Variants in QRICH2 observed in about 807,000 individuals in gnomAD.
The protein encoded by QRICH2 is glutamine-rich protein 2.
Under a neutral mutation model 168.3 loss-of-function variants are expected in QRICH2, and 119 were observed. The observed-to-expected ratio is 0.71, with a 90% CI of 0.61 to 0.82. The LOEUF (loss-of-function observed/expected upper bound fraction) is 0.82, where lower values mean the gene tolerates loss of function less well. Among genes scored for constraint, QRICH2 ranks in the 40% least tolerant of loss-of-function variants. The probability of loss-of-function intolerance (pLI) is 0.00; values close to 1 mark genes in which losing one functional copy is unlikely to be tolerated. For synonymous variants in QRICH2, 894 were observed against 951.2 expected, an observed-to-expected ratio of 0.94 and a Z score of 1.11; for missense variants, 2,241 against 2,491.6, an observed-to-expected ratio of 0.90 and a Z score of 2.14.
In QRICH2 at chr17:76,285,125, C is replaced by CTGTTGTTGTTGT. The variant is rs112068809; in HGVS notation, c.4011+2055_4011+2066dup. 1.3e-3 allele frequency among the ~76,000 whole-genome samples: 189 copies of CTGTTGTTGTTGT among 147,856 alleles called. 1 individual carries two copies. Among genetic ancestry groups the CTGTTGTTGTTGT allele is most frequent in the African/African-American group, 4.4e-3 (176 of 39,636 alleles). On this transcript the variant is annotated intron_variant, in intron 7 of 18. Coordinates refer to ENST00000680821, the MANE Select transcript of QRICH2 (RefSeq NM_001388453.1). The stretch of plus-strand genomic sequence containing the variant: ...GTGCACCACCACACCCAGCTATTTT[C>CTGTTGTTGTTGT]TGTTGTTGTTGTTGTTGTTGTTTTT...
rs1307346902 is a variant in QRICH2, at chr17:76,307,527, A to C, written c.472T>G (p.Phe158Val). The change falls in exon 1 of 19, where the codon TTC (phenylalanine) becomes GTC (valine). Residue 158 changes from phenylalanine to valine, a missense_variant. By Grantham distance (50) the Phe-to-Val change is conservative (BLOSUM62 -1). Coordinates refer to ENST00000680821, the MANE Select transcript of QRICH2 (RefSeq NM_001388453.1). The surrounding 1 kb of genome is among the most constrained non-coding windows in gnomAD (Gnocchi z 5.3). ...PEEQEVGVRAFDRVRTGSIMK... is the reference protein window; with the variant it reads ...PEEQEVGVRAVDRVRTGSIMK... ...ATACTCCCAGTCCGCACCCTATCGA[A>C]CGCCCGCACGCCCACCTCCTGCTCC... 1 of 1,604,724 alleles carries C rather than the reference A, an allele frequency of 6.2e-7. No homozygotes were observed. Among genetic ancestry groups the C allele is most frequent in the Non-Finnish European group, 8.5e-7 (1 of 1,176,050 alleles).
At chr17:76,303,579 C>T (rs1330804721) in intron 3 of QRICH2, among the ~76,000 whole-genome samples, 1 of 152,008 alleles carries the variant, frequency 6.6e-6, no homozygotes, top group African/African-American at 2.4e-5. Context: ...GTGCAAAAGT[C>T]GCCACCAGCG....
rs1461624728 is a variant in QRICH2, at chr17:76,281,912, G to A, written c.4215C>T (p.Asn1405=). Residue 1405 remains asparagine, a synonymous_variant, in exon 8 of 19, where the codon AAC becomes AAT. Transcript: ENST00000680821. This position sits in a 1 kb window ranked among gnomAD's most constrained non-coding sequence, Gnocchi z 4.4. ...TGGAGGGTCGGGAGACGGCCAGGCT[G>A]TTGACCATGTCTTGGAGTTGCTCAT... ...RRYEQLQDMV[N]SLAVSRPSKK... 2 of 1,613,806 alleles carry A rather than the reference G, an allele frequency of 1.2e-6. No individual in the cohort carries two copies. Among genetic ancestry groups the A allele is most frequent in the Non-Finnish European group, 1.7e-6 (2 of 1,180,018 alleles).
upstream of QRICH2, chr17:76,308,294 G>A (rs1050884428): frequency 2.0e-6 from 2 of 985,294 alleles, no homozygotes; most frequent in African/African-American, 1.7e-5. Flanking sequence ...GGGGGCCCCC[G>A]CGTGCCCTGA....
At chr17:76,305,032 C>A in intron 1 of QRICH2, 91 bp from the exon 2 acceptor site, 1 of 845,402 alleles carries the variant, frequency 1.2e-6, no homozygotes, top group South Asian at 1.3e-5. Context: ...CACACACTCT[C>A]ACACTCAGAC....
chr17:76,304,354 C>A (rs2070954727), intron 3 of QRICH2, 61 bp downstream of exon 3: 2 of 1,050,706 alleles, frequency 1.9e-6, no homozygotes, highest in Non-Finnish European at 1.5e-6. Context: ...TGCAGCTGTA[C>A]AAAGCGAGAA....
chr17:76,287,864 C>T lies in QRICH2; in HGVS notation c.3832G>A (p.Gly1278Arg), dbSNP rs745921012. The change falls in exon 6 of 19, where the codon GGG becomes AGG. Residue 1278 changes from glycine (G) to arginine (R), a missense_variant. Gly to Arg is a moderately radical substitution (Grantham distance 125). Coordinates refer to ENST00000680821, the MANE Select transcript of QRICH2 (RefSeq NM_001388453.1). Reference protein sequence around the residue: ...ERLQRILEGEGNQEAGKELKA... With the variant: ...ERLQRILEGERNQEAGKELKA... Reference sequence around the variant, plus strand: ...AGTTCCTTCCCTGCTTCTTGATTCCCTTCCCCTTCCAGGATCCTCTGCAGC... The same window carrying T: ...AGTTCCTTCCCTGCTTCTTGATTCCTTTCCCCTTCCAGGATCCTCTGCAGC... 5 of 1,614,010 alleles carry T rather than the reference C, an allele frequency of 3.1e-6. No homozygotes were observed. The African/African-American group carries it at 5.3e-5, about 17-fold the overall frequency.
chr17:76,290,392 T>A (rs543751466), intron 4 of QRICH2, among the ~76,000 whole-genome samples: 2 of 152,182 alleles, frequency 1.3e-5, no homozygotes, highest in African/African-American at 4.8e-5. Context: ...TTAAGTTTTG[T>A]TTTGTTTGAG....
chr17:76,274,873 C>T (rs2070645543), intron 18 of QRICH2, among the ~76,000 whole-genome samples: 1 of 152,182 alleles, frequency 6.6e-6, no homozygotes, highest in South Asian at 2.1e-4. Context: ...GTGCTAACGG[C>T]CCCTACCTCT....
chr17:76,294,006 TAA>T lies in QRICH2; in HGVS notation c.719_720del (p.Leu240HisfsTer5). The T allele has an allele frequency of 6.2e-7, 1 of 1,604,702 alleles. No homozygotes were observed. The highest frequency in any genetic ancestry group is 8.5e-7 in the Non-Finnish European group (1 of 1,173,716). On this transcript the variant is annotated frameshift_variant, in exon 4 of 19. Transcript: ENST00000680821. LOFTEE classifies it high-confidence loss of function. Reference sequence around the variant, plus strand: ...AACCCTCCGTGCTTAGAAAATCCCATAAGTGTTTCTGAGCCCTGGTTGGAGAG... The same window carrying T: ...AACCCTCCGTGCTTAGAAAATCCCATGTGTTTCTGAGCCCTGGTTGGAGAG... ...WRASQAGSETLMGFSKHGGFT... is the reference protein window; with the variant it reads ...WRASQAGSETXMGFSKHGGFT...
upstream of QRICH2, chr17:76,308,327 T>C (rs2143427063): frequency 6.1e-6 from 6 of 985,340 alleles, no homozygotes; most frequent in South Asian, 1.4e-4. Context: ...ACAACACGCC[T>C]CCCTGCGAGC....
chr17:76,279,380 C>T lies in QRICH2; in HGVS notation c.4797G>A (p.Glu1599=), dbSNP rs757693240. Residue 1599 remains glutamate, a synonymous_variant, in exon 13 of 19, where the codon GAG becomes GAA. Transcript: ENST00000680821. ...GCACTCACTGTCCAGTCACAGGTGTCTCCAAGGGCCGGTCACATGAGAGGC... is the reference window on the plus strand; with the variant it reads ...GCACTCACTGTCCAGTCACAGGTGTTTCCAAGGGCCGGTCACATGAGAGGC... ...FHCLSCDRPL[E]TPVTGHAIPV... is the part of the protein sequence containing the mutation. The T allele has an allele frequency of 6.2e-7, 1 of 1,613,032 alleles. No individual in the cohort carries two copies.
At position 76,278,204 on chromosome 17, in the gene QRICH2, C is replaced by T. The variant is rs1200488667; in HGVS notation, c.4917-15G>A. Reference sequence around the variant, plus strand: ...CCAGCTTGAGGCTGCAGGGTGTGAGCAGAACAGAGGGAGGGTTGGCCCATG... The same window carrying T: ...CCAGCTTGAGGCTGCAGGGTGTGAGTAGAACAGAGGGAGGGTTGGCCCATG... On this transcript the variant is annotated splice_polypyrimidine_tract_variant and intron_variant, in intron 14 of 18. Transcript: ENST00000680821. The T allele has an allele frequency of 6.2e-7, 1 of 1,601,484 alleles. No individual in the cohort carries two copies. Among genetic ancestry groups the T allele is most frequent in the Non-Finnish European group, 8.5e-7 (1 of 1,179,490 alleles).
chr17:76,302,197 G>A (rs74519556), intron 3 of QRICH2, among the ~76,000 whole-genome samples: 18,518 of 151,508 alleles, frequency 0.12, 2,612 homozygotes, highest in African/African-American at 0.35. Context: ...CGCGCCGGCC[G>A]GCACTCATTA....
intron 1 of QRICH2, among the ~76,000 whole-genome samples, chr17:76,306,687 G>C (rs2070995974): frequency 6.6e-6 from 1 of 152,170 alleles, no homozygotes; most frequent in Non-Finnish European, 1.5e-5. Flanking sequence ...AGGAGTTTGA[G>C]ACCAGCCCCG....
At chr17:76,309,444 G>A (rs948085764), upstream of QRICH2, 3 of 151,736 alleles carry the variant, frequency 2.0e-5, no homozygotes, top group African/African-American at 4.8e-5. Flanking sequence ...TAAACAGCAC[G>A]AGACAAATCT....
intron 3 of QRICH2, among the ~76,000 whole-genome samples, chr17:76,303,869 T>C (rs1394073226): frequency 2.2e-5 from 2 of 91,048 alleles, no homozygotes; most frequent in Non-Finnish European, 3.9e-5. Flanking sequence ...CAAAACTCTG[T>C]CTCAAAAAAA....
chr17:76,276,116 A>G (rs1188766848), intron 17 of QRICH2, among the ~76,000 whole-genome samples, 169 bp from the exon 18 acceptor site: 5 of 147,152 alleles, frequency 3.4e-5, no homozygotes, highest in Non-Finnish European at 5.9e-5. Flanking sequence ...AGCGGTCTTC[A>G]TTCATTCTCG....
At chr17:76,274,335 C>G in intron 18 of QRICH2, 75 bp from the exon 19 acceptor site, 1 of 1,458,586 alleles carries the variant, frequency 6.9e-7, no homozygotes, top group African/African-American at 1.5e-5. Flanking sequence ...CTGCCCAATG[C>G]CCAGGGAGGT....
Sources: gnomAD v4.1 joint callset for allele counts (sites outside exome capture counted in the v4.1 genomes callset) on GRCh38, gnomAD v4.1.1 for gene constraint, Gnocchi (gnomAD v3.1) non-coding constraint, MANE v1.5 for transcripts, NCBI Gene and HGNC (gene_info 2026-07-23, HGNC 2026-07-21) for gene names.